The following PSMD14 variants were observed in gnomAD, a reference collection of about 807,000 sequenced individuals.
The protein encoded by PSMD14 is ubiquitin C-terminal hydrolase PSMD14.
In PSMD14, 7 loss-of-function variants were observed where a neutral mutation model predicts 41.2. The ratio of observed to expected loss-of-function variants is 0.17; its 90% CI spans 0.10 to 0.32. PSMD14 has a LOEUF of 0.32. Among genes scored for constraint, PSMD14 ranks in the 10% least tolerant of loss-of-function variants. The probability of loss-of-function intolerance (pLI) is 1.00; values close to 1 mark genes in which losing one functional copy is unlikely to be tolerated. For synonymous variants in PSMD14, 114 were observed against 122.3 expected, an observed-to-expected ratio of 0.93 and a Z score of 0.45; for missense variants, 139 against 375.6, an observed-to-expected ratio of 0.37 and a Z score of 5.21.
intron 7 of PSMD14, among the ~76,000 whole-genome samples, chr2:161,376,237 C>T (rs1683501133): frequency 6.6e-6 from 1 of 151,372 alleles, no homozygotes; most frequent in South Asian, 2.1e-4. Flanking sequence ...TTGAACAAGC[C>T]TTACCTAATT....
chr2:161,313,039 C>G (rs1265423840), intron 1 of PSMD14, among the ~76,000 whole-genome samples: 1 of 151,568 alleles, frequency 6.6e-6, no homozygotes, highest in Non-Finnish European at 1.5e-5. Flanking sequence ...TTTTTTGTGT[C>G]CATTGTTTTT....
intron 3 of PSMD14, among the ~76,000 whole-genome samples, chr2:161,338,686 T>C (rs1559041720): frequency 6.6e-6 from 1 of 152,180 alleles, no homozygotes; most frequent in Non-Finnish European, 1.5e-5. Flanking sequence ...TAAACGATAA[T>C]ATTTAAAGTG....
At chr2:161,324,630 T>A (rs987720625) in intron 3 of PSMD14, among the ~76,000 whole-genome samples, 2 of 151,446 alleles carry the variant, frequency 1.3e-5, no homozygotes, top group African/African-American at 4.9e-5. Context: ...ATTTTCTTTC[T>A]TTCTTTTTTT....
chr2:161,316,717 A>G (rs187618431), intron 2 of PSMD14, 148 bp downstream of exon 2: 39 of 152,354 alleles, frequency 2.6e-4, no homozygotes, highest in Admixed American at 1.5e-3. Flanking sequence ...TAGAATATGT[A>G]TCAATATACT....
chr2:161,396,632 G>A (rs1246009736), intron 10 of PSMD14, among the ~76,000 whole-genome samples: 1 of 152,136 alleles, frequency 6.6e-6, no homozygotes, highest in Non-Finnish European at 1.5e-5. Flanking sequence ...TGTGAGGTTT[G>A]GGTGGAGCGG....
chr2:161,392,465 T>C (rs1054465725), intron 9 of PSMD14, among the ~76,000 whole-genome samples: 4 of 152,206 alleles, frequency 2.6e-5, no homozygotes, highest in African/African-American at 9.6e-5. Context: ...TTACCCCCTC[T>C]TTCAACCAGA....
intron 3 of PSMD14, among the ~76,000 whole-genome samples, chr2:161,352,692 C>A (rs1027999282): frequency 1.3e-5 from 2 of 151,838 alleles, no homozygotes; most frequent in Non-Finnish European, 2.9e-5. Flanking sequence ...TTTTGGATTC[C>A]CTCTCCTCTG....
rs529303771 is a variant in PSMD14, at chr2:161,325,166, G to A, written c.48+6293G>A. Among the ~76,000 whole-genome samples the A allele has an allele frequency of 2.0e-5, 3 of 152,238 alleles. No homozygotes were observed. In the East Asian group the frequency reaches 5.8e-4, roughly 29 times the overall value. On this transcript the variant is annotated intron_variant, in intron 3 of 11. Coordinates refer to ENST00000409682, the MANE Select transcript of PSMD14 (RefSeq NM_005805.6). ...GCAGCAGGGTATATAATGCCTGTAAGTTGTCACTTTGTATCTCTGGTACAG... is the reference window on the plus strand; with the variant it reads ...GCAGCAGGGTATATAATGCCTGTAAATTGTCACTTTGTATCTCTGGTACAG...
At chr2:161,327,983 TGA>T (rs1426665821) in intron 3 of PSMD14, among the ~76,000 whole-genome samples, 47 of 148,988 alleles carry the variant, frequency 3.2e-4, no homozygotes, top group African/African-American at 4.0e-4. Context: ...TGTGTGTGTG[TGA>T]GATGTTGGTT....
intron 3 of PSMD14, among the ~76,000 whole-genome samples, chr2:161,342,131 C>T (rs576573659): frequency 1.6e-4 from 25 of 152,010 alleles, no homozygotes; most frequent in Non-Finnish European, 2.9e-4. Flanking sequence ...TCCTGATGGC[C>T]CTTTATTTCT....
chr2:161,386,381 C>A (rs376137497), intron 8 of PSMD14, among the ~76,000 whole-genome samples: 1 of 151,788 alleles, frequency 6.6e-6, no homozygotes, highest in East Asian at 1.9e-4. Flanking sequence ...CCTTCTGAAA[C>A]CTTGCTCTGT....
At chr2:161,398,624 A>G (rs1395936009) in intron 10 of PSMD14, among the ~76,000 whole-genome samples, 1 of 152,102 alleles carries the variant, frequency 6.6e-6, no homozygotes, top group African/African-American at 2.4e-5. Flanking sequence ...ACATTTTAAG[A>G]ATAGCATAGA....
At chr2:161,369,712 T>C (rs1683407188) in intron 5 of PSMD14, among the ~76,000 whole-genome samples, 1 of 152,130 alleles carries the variant, frequency 6.6e-6, no homozygotes, top group Non-Finnish European at 1.5e-5. Flanking sequence ...TGTTTCATTA[T>C]GATAGCTGAA....
intron 8 of PSMD14, among the ~76,000 whole-genome samples, chr2:161,390,633 CA>C (rs1683698968): frequency 6.6e-6 from 1 of 152,194 alleles, no homozygotes; most frequent in African/African-American, 2.4e-5. Flanking sequence ...AATTTGGAGA[CA>C]TGCATAACAT....
At chr2:161,407,805 A>G (rs933191741) in intron 10 of PSMD14, 13 of 151,890 alleles carry the variant, frequency 8.6e-5, no homozygotes, top group African/African-American at 3.1e-4. Flanking sequence ...CTGTGTTGGC[A>G]TTTCTTAAGG....
chr2:161,339,616 C>T (rs1295146374), intron 3 of PSMD14, among the ~76,000 whole-genome samples: 2 of 151,640 alleles, frequency 1.3e-5, no homozygotes, highest in African/African-American at 4.9e-5. Flanking sequence ...AAGCCAGGGT[C>T]GGAAACTTTC....
chr2:161,381,188 T>C (rs2105262431), intron 7 of PSMD14, among the ~76,000 whole-genome samples: 1 of 150,638 alleles, frequency 6.6e-6, no homozygotes, highest in African/African-American at 2.4e-5. Flanking sequence ...AGTTCGTCAC[T>C]TATGTTTACC....
intron 3 of PSMD14, among the ~76,000 whole-genome samples, chr2:161,324,108 CTT>C (rs1682657731): frequency 6.6e-6 from 1 of 152,174 alleles, no homozygotes; most frequent in African/African-American, 2.4e-5. Context: ...GTAGATGGAA[CTT>C]AAGCAAAATG....
At chr2:161,346,049 T>C (rs1683037540) in intron 3 of PSMD14, among the ~76,000 whole-genome samples, 1 of 152,088 alleles carries the variant, frequency 6.6e-6, no homozygotes, top group Non-Finnish European at 1.5e-5. Flanking sequence ...TCTCAGCTAA[T>C]TTTTTGTATT....
Sources: gnomAD v4.1 joint callset for allele counts (sites outside exome capture counted in the v4.1 genomes callset) on GRCh38, gnomAD v4.1.1 for gene constraint, MANE v1.5 for transcripts, NCBI Gene and HGNC (gene_info 2026-07-23, HGNC 2026-07-21) for gene names.